RPL18: variants seen among roughly 807,000 people sequenced by gnomAD.
RPL18 encodes the protein large ribosomal subunit protein eL18.
Under a neutral mutation model 25.0 loss-of-function variants are expected in RPL18, and 4 were observed. The ratio of observed to expected loss-of-function variants is 0.16; its 90% CI spans 0.08 to 0.37. RPL18 has a LOEUF of 0.37. RPL18 is among the 10% of genes least tolerant of loss of function. The pLI is 1.00. For synonymous variants in RPL18, 129 were observed against 101.6 expected (o/e 1.27, Z -1.62); for missense variants, 179 against 267.9 (o/e 0.67, Z 2.32).
chr19:48,618,439 C>G (rs1424062536), intron 1 of RPL18: 1 of 154,740 alleles, frequency 6.5e-6, no homozygotes, highest in African/African-American at 2.4e-5. Context: ...GCTAGGATAA[C>G]AAGCGTGAGC....
rs755856817 is a variant in RPL18 at position 48,615,483 on chromosome 19, T to C, written c.492-36A>G. The stretch of plus-strand genomic sequence containing the variant: ...AGGAGGGAGTGAGAGGGGGGCCCTC[T>C]TAAAGGAGGCCATTGTGGAGTGGCA... On this transcript the variant is annotated intron_variant, in intron 6 of 6. Transcript: ENST00000549920. 5.3e-6 allele frequency: 8 copies of C among 1,517,348 alleles called. No individual in the cohort carries two copies. The South Asian group carries it at 9.2e-5, about 17-fold the overall frequency. 94.0% of individuals were successfully genotyped at this position (1,517,348 alleles called of 1,614,324 possible).
chr19:48,619,056 T>G, intron 1 of RPL18, 85 bp downstream of exon 1: 1 of 1,448,386 alleles, frequency 6.9e-7, no homozygotes, highest in South Asian at 1.2e-5. Context: ...GCAGACCCCC[T>G]GCCGCCCTCC....
At chr19:48,619,035 T>A (rs1974288391) in intron 1 of RPL18, 106 bp downstream of exon 1, 1 of 1,253,144 alleles carries the variant, frequency 8.0e-7, no homozygotes, top group African/African-American at 1.5e-5. Flanking sequence ...AATTGCTCCC[T>A]CCGGGCAGCC....
At chr19:48,618,016 C>A (rs978372516) in intron 1 of RPL18, 139 bp from the exon 2 acceptor site, 1 of 636,618 alleles carries the variant, frequency 1.6e-6, no homozygotes, top group Non-Finnish European at 2.8e-6. Flanking sequence ...CACCAGGAGA[C>A]CTGTGGGCTG....
chr19:48,618,141 C>A, intron 1 of RPL18: 1 of 325,242 alleles, frequency 3.1e-6, no homozygotes, highest in Non-Finnish European at 5.8e-6. Flanking sequence ...AAGGTCAATT[C>A]TTTACAACTT....
At position 48,616,177 on chromosome 19, in the gene RPL18, C is replaced by T. The variant is rs559300689; in HGVS notation, c.323G>A (p.Arg108Gln). 49 of 1,613,906 alleles carry T rather than the reference C, an allele frequency of 3.0e-5. No individual in the cohort carries two copies. Among genetic ancestry groups the T allele is most frequent in the Admixed American group, 2.0e-4 (12 of 60,020 alleles). ...TGCCCTGAGGATGCGGCTGCGGGCC[C>T]GGCTGGTCACGCGCAGTGCACATAC... Reference protein sequence around the residue: ...LKVCALRVTSRARSRILRAGG... With the variant: ...LKVCALRVTSQARSRILRAGG... Residue 108 changes from arginine to glutamine, a missense_variant, in exon 5 of 7, where the codon CGG becomes CAG. Arg to Gln is a conservative substitution (Grantham distance 43). Coordinates refer to ENST00000549920, the MANE Select transcript of RPL18 (RefSeq NM_000979.4).
rs756544243 is a variant in RPL18 at position 48,617,836 on chromosome 19, G to A, written c.45C>T (p.Arg15=). The A allele has an allele frequency of 4.3e-6, 7 of 1,614,080 alleles. No homozygotes were observed. The highest frequency in any genetic ancestry group is 1.6e-4 in the Middle Eastern group (1 of 6,084). Residue 15 remains arginine, a synonymous_variant, in exon 2 of 7, where the codon CGC becomes CGT. Transcript: ENST00000549920. ...IRHNKDRKVR[R]KEPKSQDIYL... is the part of the protein sequence containing the mutation. ...AGATATCCTGGCTCTTGGGCTCCTT[G>A]CGCCGAACCTTTCGGTCCTTGTTAT...
rs371932309 is a variant in RPL18, at chr19:48,616,792, G to C, written c.231C>G (p.Asn77Lys). The change falls in exon 4 of 7, where the codon AAC (asparagine) becomes AAG (lysine). Residue 77 changes from asparagine (N) to lysine (K), a missense_variant. By Grantham distance (94) the Asn-to-Lys change is moderately conservative (BLOSUM62 0). Transcript: ENST00000549920. Reference sequence around the variant, plus strand: ...TGGTCCCCACAACCACGGCCGTCTTGTTTTCCCGGCCAGGAAGCTTCATCT... The same window carrying C: ...TGGTCCCCACAACCACGGCCGTCTTCTTTTCCCGGCCAGGAAGCTTCATCT... ...IRKMKLPGRENKTAVVVGTIT... is the reference protein window; with the variant it reads ...IRKMKLPGREKKTAVVVGTIT... 92 of 1,613,848 alleles carry C rather than the reference G, an allele frequency of 5.7e-5. No individual in the cohort carries two copies. The highest frequency in any genetic ancestry group is 2.1e-4 in the South Asian group (19 of 91,074).
intron 3 of RPL18, 34 bp downstream of exon 3, chr19:48,617,282 C>G (rs1974203099): frequency 6.5e-7 from 1 of 1,532,556 alleles, no homozygotes; most frequent in East Asian, 2.2e-5. Flanking sequence ...CAGCGGCTCC[C>G]AGGTCTACCG....
intron 4 of RPL18, 183 bp from the exon 5 acceptor site, chr19:48,616,385 C>T: frequency 1.4e-6 from 1 of 704,676 alleles, no homozygotes; most frequent in Non-Finnish European, 2.4e-6. Flanking sequence ...ACCACCACAT[C>T]CCTGGTGTTA....
chr19:48,616,866 T>C, intron 3 of RPL18, 42 bp from the exon 4 acceptor site: 1 of 1,493,640 alleles, frequency 6.7e-7, no homozygotes, highest in East Asian at 2.3e-5. Context: ...GTTCTGGTGT[T>C]TACATTCAGC....
rs199608349 is a variant in RPL18 at position 48,616,226 on chromosome 19, G to A, written c.298-24C>T. The A allele has an allele frequency of 3.7e-5, 59 of 1,611,956 alleles. No homozygotes were observed. The African/African-American group carries it at 6.4e-4, about 17-fold the overall frequency. ...ACCTGGTGGAGAGGACAAGGCTGGC[G>A]GGTCAGACCCCTGCGTGGTCACCCA... is the stretch of plus-strand genomic sequence containing the variant. On this transcript the variant is annotated intron_variant, in intron 4 of 6. Coordinates refer to ENST00000549920, the MANE Select transcript of RPL18 (RefSeq NM_000979.4).
intron 1 of RPL18, 26 bp from the exon 2 acceptor site, chr19:48,617,903 G>T: frequency 1.3e-6 from 2 of 1,539,518 alleles, no homozygotes; most frequent in Non-Finnish European, 1.8e-6. Context: ...GGCAACCATG[G>T]ACCCAATTAC....
rs755167879 is a variant in RPL18 at position 48,616,600 on chromosome 19, G to A, written c.297+126C>T. On this transcript the variant is annotated intron_variant, in intron 4 of 6. Transcript: ENST00000549920. ...CCAATCCTCAAAGCCACTCAGACAG[G>A]CAGGATGCTTGCCTCACCAGCGGTG... 2.8e-5 allele frequency: 22 copies of A among 792,298 alleles called. No individual in the cohort carries two copies. In the African/African-American group the frequency reaches 3.6e-4, roughly 13 times the overall value. The allele number at this position is 792,298 out of a possible 1,614,324, so 49.1% of individuals were successfully genotyped here. A position where few individuals can be genotyped will look rare whatever the true frequency, so the allele number is the denominator to read the frequency against.
intron 1 of RPL18, 181 bp downstream of exon 1, chr19:48,618,960 G>A (rs2147661269): frequency 3.2e-6 from 2 of 622,844 alleles, no homozygotes; most frequent in African/African-American, 1.8e-5. Context: ...ACTAAGTGGG[G>A]GCGGTAGGCT....
At chr19:48,617,921 C>T (rs757949152) in intron 1 of RPL18, 44 bp from the exon 2 acceptor site, 24 of 1,394,040 alleles carry the variant, frequency 1.7e-5, no homozygotes, top group Non-Finnish European at 2.3e-5. Context: ...TACCCCCAAC[C>T]ATAGCCAATT....
intron 6 of RPL18, 120 bp from the exon 7 acceptor site, chr19:48,615,567 C>T: frequency 1.2e-6 from 1 of 857,752 alleles, no homozygotes; most frequent in Non-Finnish European, 1.9e-6. Flanking sequence ...GCTGGAAAAG[C>T]TTGGCAGAGT....
intron 6 of RPL18, 68 bp from the exon 7 acceptor site, chr19:48,615,515 C>A: frequency 8.6e-7 from 1 of 1,156,600 alleles, no homozygotes. Context: ...GGCACAGGAA[C>A]ACCACAAGCC....
At chr19:48,617,109 AAAGAG>A (rs775550801) in intron 3 of RPL18, 38 of 708,868 alleles carry the variant, frequency 5.4e-5, no homozygotes, top group Admixed American at 1.0e-4. Context: ...TCCACCTCAC[AAAGAG>A]AAGGAGAGGA....
Sources: allele counts gnomAD v4.1 joint callset, GRCh38; gene constraint gnomAD v4.1.1; transcripts MANE v1.5; gene names NCBI Gene and HGNC (gene_info 2026-07-23, HGNC 2026-07-21).